The following PHF20 variants were observed in gnomAD, a reference collection of about 807,000 sequenced individuals.
PHF20 encodes the protein PHD finger protein 20.
A neutral mutation model predicts 113.5 loss-of-function variants in PHF20; 23 were observed. That is an observed-to-expected ratio of 0.20 (90% CI 0.15 to 0.29). The LOEUF (loss-of-function observed/expected upper bound fraction) is 0.29. Among genes scored for constraint, PHF20 ranks in the 10% least tolerant of loss-of-function variants. PHF20 has a pLI of 1.00. For missense variants in PHF20, 943 were observed against 1,219.6 expected, an observed-to-expected ratio of 0.77 and a Z score of 3.38; for synonymous variants, 434 against 457.3, an observed-to-expected ratio of 0.95 and a Z score of 0.65.
intron 4 of PHF20, chr20:35,851,003 A>G (rs1040810007): frequency 5.1e-6 from 2 of 392,904 alleles, no homozygotes; most frequent in Non-Finnish European, 9.6e-6. Flanking sequence ...TGTATTGGCC[A>G]GGCTGGTCTG....
chr20:35,903,004 ATTTTCTTTTCTT>A (rs1387478445), intron 10 of PHF20, among the ~76,000 whole-genome samples: 1 of 114,350 alleles, frequency 8.7e-6, no homozygotes, highest in African/African-American at 3.5e-5. Flanking sequence ...TGAGTGACTG[ATTTTCTTTTCTT>A]TTTTCTTTTT....
At chr20:35,869,649 T>C in intron 7 of PHF20, 98 bp downstream of exon 7, 2 of 736,094 alleles carry the variant, frequency 2.7e-6, no homozygotes, top group South Asian at 3.1e-5. Context: ...TAGGCTCTAA[T>C]GTTTGTCTCT....
intron 2 of PHF20, among the ~76,000 whole-genome samples, chr20:35,833,021 A>G (rs1347728217): frequency 6.8e-6 from 1 of 147,882 alleles, no homozygotes; most frequent in Admixed American, 6.9e-5. Context: ...ACTGTACTCC[A>G]GCCTGGGTGA....
intron 1 of PHF20, among the ~76,000 whole-genome samples, chr20:35,781,778 C>T (rs1036160901): frequency 6.6e-6 from 1 of 152,074 alleles, no homozygotes; most frequent in African/African-American, 2.4e-5. Context: ...AACCCCATCT[C>T]TACTAAAAAT....
chr20:35,888,992 A>T (rs1474265359), intron 9 of PHF20, among the ~76,000 whole-genome samples: 1 of 148,100 alleles, frequency 6.8e-6, no homozygotes, highest in African/African-American at 2.5e-5. Flanking sequence ...TTTGACAACC[A>T]GTGGCCCTCT....
At chr20:35,823,198 C>T (rs1021077411) in intron 2 of PHF20, among the ~76,000 whole-genome samples, 4 of 151,994 alleles carry the variant, frequency 2.6e-5, no homozygotes, top group African/African-American at 4.8e-5. Context: ...CAAAAAGTTT[C>T]GGATTTTGGA....
At chr20:35,881,143 C>G (rs1299015860) in intron 9 of PHF20, among the ~76,000 whole-genome samples, 1 of 142,328 alleles carries the variant, frequency 7.0e-6, no homozygotes, top group Non-Finnish European at 1.5e-5. Context: ...CTGCAACCTT[C>G]GCCTCCTGGG....
chr20:35,860,692 G>C (rs745725747), intron 5 of PHF20, among the ~76,000 whole-genome samples: 5 of 151,976 alleles, frequency 3.3e-5, no homozygotes, highest in Non-Finnish European at 5.9e-5. Flanking sequence ...TTGTCTCTCT[G>C]GCATGTAAGG....
chr20:35,874,629 G>A (rs1600858526), intron 9 of PHF20, among the ~76,000 whole-genome samples: 1 of 151,974 alleles, frequency 6.6e-6, no homozygotes, highest in Non-Finnish European at 1.5e-5. Flanking sequence ...GACTACAGGC[G>A]TGTGCCACCA....
At chr20:35,789,428 CAA>C (rs781511725) in intron 1 of PHF20, among the ~76,000 whole-genome samples, 43 of 90,356 alleles carry the variant, frequency 4.8e-4, no homozygotes, top group Admixed American at 6.1e-4. Flanking sequence ...AAGACTCCAT[CAA>C]AAAAAAAAAA....
At chr20:35,913,405 T>C (rs2055344639) in intron 11 of PHF20, 58 bp downstream of exon 11, 4 of 1,201,324 alleles carry the variant, frequency 3.3e-6, no homozygotes. Flanking sequence ...GGGGAGGGGT[T>C]GCTTTCTCCC....
intron 2 of PHF20, among the ~76,000 whole-genome samples, chr20:35,834,498 G>A (rs889193482): frequency 5.3e-5 from 8 of 151,968 alleles, no homozygotes; most frequent in Admixed American, 4.6e-4. Flanking sequence ...TGATCCGCCC[G>A]CCTCAGCCTC....
At chr20:35,917,941 T>G (rs1330367018) in intron 13 of PHF20, among the ~76,000 whole-genome samples, 1 of 152,164 alleles carries the variant, frequency 6.6e-6, no homozygotes, top group Non-Finnish European at 1.5e-5. Flanking sequence ...GGGCCTTGCC[T>G]GTGGTCACAA....
chr20:35,849,844 T>C (rs2042687736), intron 4 of PHF20, among the ~76,000 whole-genome samples: 1 of 152,196 alleles, frequency 6.6e-6, no homozygotes, highest in African/African-American at 2.4e-5. Flanking sequence ...TCATGCCTTG[T>C]AGATTTATCT....
At chr20:35,780,318 C>T (rs868514543) in intron 1 of PHF20, among the ~76,000 whole-genome samples, 60 of 150,364 alleles carry the variant, frequency 4.0e-4, no homozygotes, top group African/African-American at 1.4e-3. Flanking sequence ...CTCCGCCTCC[C>T]GGGTTTACGC....
intron 2 of PHF20, among the ~76,000 whole-genome samples, chr20:35,822,929 A>G (rs976718343): frequency 1.3e-5 from 2 of 151,588 alleles, no homozygotes; most frequent in Non-Finnish European, 2.9e-5. Context: ...CCCACTTTCA[A>G]CATCCTGCAC....
intron 4 of PHF20, chr20:35,850,891 G>A: frequency 1.2e-6 from 1 of 858,100 alleles, no homozygotes; most frequent in Non-Finnish European, 1.9e-6. Flanking sequence ...AGATGACTGA[G>A]TTTGTTTTTG....
chr20:35,828,045 CAG>C (rs1168921002), intron 2 of PHF20, among the ~76,000 whole-genome samples: 1 of 151,934 alleles, frequency 6.6e-6, no homozygotes. Context: ...ATTTCTGAGA[CAG>C]AGTTTCGCTC....
intron 10 of PHF20, among the ~76,000 whole-genome samples, chr20:35,901,278 G>C (rs947939699): frequency 1.3e-5 from 2 of 152,110 alleles, no homozygotes; most frequent in East Asian, 3.9e-4. Flanking sequence ...AGCCAGGCGT[G>C]GTGGCAGGTG....
Sources: allele counts gnomAD v4.1 joint callset (sites outside exome capture counted in the v4.1 genomes callset), GRCh38; gene constraint gnomAD v4.1.1; transcripts MANE v1.5; gene names NCBI Gene and HGNC (gene_info 2026-07-23, HGNC 2026-07-21).